The following GLRA2 variants were observed in gnomAD, a reference collection of about 807,000 sequenced individuals.
The protein encoded by GLRA2 is glycine receptor alpha 2.
GLRA2 carries 11 observed loss-of-function variants against 31.6 expected under a neutral mutation model. The ratio of observed to expected loss-of-function variants is 0.35; its 90% CI spans 0.22 to 0.58. The LOEUF (loss-of-function observed/expected upper bound fraction) is 0.58. Ranked by LOEUF, GLRA2 falls within the 20% of genes least tolerant of loss-of-function variation. GLRA2 has a pLI of 0.84. For synonymous variants in GLRA2, 132 were observed against 134.0 expected (o/e 0.99, Z 0.10); for missense variants, 212 against 351.8 (o/e 0.60, Z 3.18).
intron 8 of GLRA2, among the ~76,000 whole-genome samples, chrX:14,723,778 C>G (rs899772587): frequency 1.8e-5 from 2 of 112,123 alleles, no homozygotes; most frequent in African/African-American, 6.5e-5. Flanking sequence ...TGAAATATCA[C>G]TTCCTAGGGG....
intron 7 of GLRA2, among the ~76,000 whole-genome samples, chrX:14,668,847 T>C (rs2091061416): frequency 9.0e-6 from 1 of 111,369 alleles, no homozygotes; most frequent in Non-Finnish European, 1.9e-5. Flanking sequence ...ATTCTGCCCC[T>C]AGCCCCTCTA....
rs1359310006 is a variant in GLRA2, at chrX:14,703,526, G to T, written c.1080+12667G>T. On this transcript the variant is annotated intron_variant, in intron 8 of 8. Transcript: ENST00000218075. ...CATCCTTAGTTTCTTAATCACATCT[G>T]CAAAGCCCCTCTGCTTTGTAGGATA... is the stretch of plus-strand genomic sequence containing the variant. 3.6e-5 allele frequency among the ~76,000 whole-genome samples: 4 copies of T among 111,845 alleles called. No individual in the cohort carries two copies. The East Asian group carries it at 1.1e-3, about 31-fold the overall frequency.
the GLRA2 span, among the ~76,000 whole-genome samples, chrX:14,518,655 A>ATGTG: frequency 5.5e-5 from 6 of 108,132 alleles, no homozygotes; most frequent in East Asian, 5.8e-4. Context: ...GTGTGTGTGT[A>ATGTG]TGTGTGTGTG....
chrX:14,464,539 T>C, the GLRA2 span, among the ~76,000 whole-genome samples: 2 of 110,395 alleles, frequency 1.8e-5, no homozygotes, highest in Non-Finnish European at 3.8e-5. Context: ...CATGGGTCTA[T>C]GTATCTATTT....
chrX:14,686,023 A>C (rs28762444), intron 7 of GLRA2, among the ~76,000 whole-genome samples: 21 of 110,563 alleles, frequency 1.9e-4, no homozygotes, highest in African/African-American at 6.9e-4. Flanking sequence ...CTTTGTTCTC[A>C]TTGGTTTCAA....
intron 7 of GLRA2, 56 bp downstream of exon 7, chrX:14,609,261 G>C: frequency 3.8e-6 from 3 of 785,829 alleles, no homozygotes; most frequent in Non-Finnish European, 5.7e-6. Flanking sequence ...GGTCTTGTGG[G>C]CTGGAGAGTT....
chrX:14,469,427 A>G, the GLRA2 span, among the ~76,000 whole-genome samples: 1 of 109,423 alleles, frequency 9.1e-6, no homozygotes, highest in African/African-American at 3.3e-5. Context: ...TCACAATAGC[A>G]AAGACTTGGA....
chrX:14,581,090 CT>C (rs2090011392), intron 3 of GLRA2, 92 bp from the exon 4 acceptor site: 1 of 576,233 alleles, frequency 1.7e-6, no homozygotes, highest in African/African-American at 2.2e-5. Context: ...GACACCAAAG[CT>C]GTATCAAATC....
At chrX:14,509,624 G>A in the GLRA2 span, among the ~76,000 whole-genome samples, 3 of 112,009 alleles carry the variant, frequency 2.7e-5, no homozygotes, top group Non-Finnish European at 3.8e-5. Context: ...GAGGCCAAGA[G>A]AAAAATAGGG....
At chrX:14,534,953 A>C (rs777937463) in intron 2 of GLRA2, among the ~76,000 whole-genome samples, 3 of 111,462 alleles carry the variant, frequency 2.7e-5, no homozygotes, top group African/African-American at 9.7e-5. Flanking sequence ...GCAATGTACC[A>C]ATGAGGAATT....
chrX:14,509,132 C>A, the GLRA2 span, among the ~76,000 whole-genome samples: 1 of 112,241 alleles, frequency 8.9e-6, no homozygotes, highest in Admixed American at 9.4e-5. Flanking sequence ...ATTTCTCTGT[C>A]TTCATCTATG....
At chrX:14,540,420 C>T (rs1396870264) in intron 2 of GLRA2, among the ~76,000 whole-genome samples, 1 of 111,177 alleles carries the variant, frequency 9.0e-6, no homozygotes, top group Admixed American at 9.6e-5. Flanking sequence ...CAGACCTTGC[C>T]CTCCTCCTGT....
intron 8 of GLRA2, among the ~76,000 whole-genome samples, chrX:14,712,512 A>G (rs986397376): frequency 9.0e-5 from 10 of 111,466 alleles, no homozygotes; most frequent in African/African-American, 2.6e-4. Context: ...AATTGAAAAA[A>G]AAAAAACTAT....
chrX:14,583,197 G>T (rs2090042724), intron 4 of GLRA2, among the ~76,000 whole-genome samples: 1 of 111,762 alleles, frequency 8.9e-6, no homozygotes, highest in Non-Finnish European at 1.9e-5. Flanking sequence ...AGAGAAAACG[G>T]AACACTTATA....
At chrX:14,710,209 T>C (rs2091692674) in intron 8 of GLRA2, among the ~76,000 whole-genome samples, 1 of 112,129 alleles carries the variant, frequency 8.9e-6, no homozygotes, top group Non-Finnish European at 1.9e-5. Flanking sequence ...TTGAGTTTAC[T>C]GAGCCCCCTG....
chrX:14,504,353 T>G, the GLRA2 span, among the ~76,000 whole-genome samples: 1 of 112,104 alleles, frequency 8.9e-6, no homozygotes, highest in African/African-American at 3.2e-5. Context: ...GAGATCTGAG[T>G]GCCATCACTG....
upstream of GLRA2, among the ~76,000 whole-genome samples, chrX:14,527,758 C>T (rs916885938): frequency 8.9e-6 from 1 of 111,831 alleles, no homozygotes; most frequent in Admixed American, 9.5e-5. Context: ...AAAATCTGTG[C>T]TATTTTTCCA....
intron 7 of GLRA2, among the ~76,000 whole-genome samples, chrX:14,629,887 C>A (rs2090625244): frequency 8.9e-6 from 1 of 111,824 alleles, no homozygotes; most frequent in South Asian, 3.7e-4. Context: ...AGCTTTTGTA[C>A]AATTGTTGTC....
intron 7 of GLRA2, among the ~76,000 whole-genome samples, chrX:14,613,604 C>A (rs925026326): frequency 4.5e-5 from 5 of 111,663 alleles, no homozygotes; most frequent in Non-Finnish European, 7.5e-5. Flanking sequence ...AGGTTATATG[C>A]AAATATTACT....
Sources: gnomAD v4.1 joint callset for allele counts (sites outside exome capture counted in the v4.1 genomes callset) on GRCh38, gnomAD v4.1.1 for gene constraint, MANE v1.5 for transcripts, NCBI Gene and HGNC (gene_info 2026-07-23, HGNC 2026-07-21) for gene names.